ZNF493: variants seen among roughly 807,000 people sequenced by gnomAD.
ZNF493 encodes zinc finger protein 493.
ZNF493 carries 11 observed loss-of-function variants against 12.2 expected under a neutral mutation model. The ratio of observed to expected loss-of-function variants is 0.90; its 90% confidence interval spans 0.57 to 1.50. The LOEUF (loss-of-function observed/expected upper bound fraction) is 1.50. ZNF493 is among the 40% of genes most tolerant of loss of function. ZNF493 has a pLI of 0.00. For missense variants in ZNF493, 950 were observed against 906.6 expected, an observed-to-expected ratio of 1.05 and a Z score of -0.61; for synonymous variants, 286 against 302.6, an observed-to-expected ratio of 0.95 and a Z score of 0.57.
intron 3 of ZNF493, among the ~76,000 whole-genome samples, chr19:21,414,882 CTG>C (rs1346283633): frequency 6.6e-6 from 1 of 152,176 alleles, no homozygotes; most frequent in African/African-American, 2.4e-5. Flanking sequence ...ATTTCAAAAA[CTG>C]AAACAGTTTT....
chr19:21,408,661 G>A (rs1267380208), intron 3 of ZNF493: 1 of 985,044 alleles, frequency 1.0e-6, no homozygotes, highest in Non-Finnish European at 1.2e-6. Context: ...TATTAGTGGT[G>A]TTTTCAGTGT....
chr19:21,399,846 G>A (rs758203626), intron 1 of ZNF493, among the ~76,000 whole-genome samples: 73 of 152,252 alleles, frequency 4.8e-4, no homozygotes, highest in Non-Finnish European at 3.1e-4. Flanking sequence ...ATGAGAAAAT[G>A]CGGTAGGTAA....
chr19:21,397,144 C>T lies in ZNF493; in HGVS notation c.-94C>T. 4 of 1,453,968 alleles carry T rather than the reference C, an allele frequency of 2.8e-6. No individual in the cohort carries two copies. In the South Asian group the frequency reaches 3.4e-5, roughly 12 times the overall value. 90.1% of individuals were successfully genotyped at this position (1,453,968 alleles called of 1,614,324 possible). A position where few individuals can be genotyped will look rare whatever the true frequency, so the allele number is the denominator to read the frequency against. ...GATGTGGCTGGGCCATTGTTTCTCT[C>T]TGCTGCCGGAGCTCCAGGTCTACCC... On this transcript the variant is annotated 5_prime_UTR_variant, in exon 1 of 4. Coordinates refer to ENST00000392288, the MANE Select transcript of ZNF493 (RefSeq NM_001076678.3).
chr19:21,414,632 G>A (rs542415927), intron 3 of ZNF493: 1 of 152,286 alleles, frequency 6.6e-6, no homozygotes, highest in South Asian at 2.1e-4. Context: ...TCAATAAACT[G>A]TGTGGAATGA....
chr19:21,397,241 C>A lies in ZNF493; in HGVS notation c.4C>A (p.Pro2Thr), dbSNP rs138674538. The A allele has an allele frequency of 5.8e-4, 932 of 1,614,078 alleles. 2 individuals carry two copies. Among genetic ancestry groups the A allele is most frequent in the Non-Finnish European group, 7.4e-4 (879 of 1,180,030 alleles). ...TACTGGGAAATCCATAGCTAAGATGCCAGGACCCCCTGAAAGCCTAGACAT... is the reference window on the plus strand; with the variant it reads ...TACTGGGAAATCCATAGCTAAGATGACAGGACCCCCTGAAAGCCTAGACAT... Reference protein sequence around the residue: MPGPPESLDMGP... With the variant: MTGPPESLDMGP... Residue 2 changes from proline (P) to threonine (T), a missense_variant, in exon 1 of 4, where the codon CCA (proline) becomes ACA (threonine). By Grantham distance (38) the Pro-to-Thr change is conservative. Transcript: ENST00000392288.
intron 3 of ZNF493, among the ~76,000 whole-genome samples, chr19:21,417,216 C>G (rs1388202882): frequency 1.3e-5 from 2 of 152,080 alleles, no homozygotes; most frequent in African/African-American, 2.4e-5. Flanking sequence ...TATCTGGTGG[C>G]CTGACTTGCT....
chr19:21,423,111 G>A lies in ZNF493; in HGVS notation c.452G>A (p.Ser151Asn). 6.2e-7 allele frequency: 1 copy of A among 1,613,598 alleles called. No individual in the cohort carries two copies. ...AACCAGTATTTGACAACTACCCAGA[G>A]CAAAATATTTCAATGTGATAAATAT... ...ELNQYLTTTQ[S>N]KIFQCDKYVK... is the part of the protein sequence containing the mutation. The change falls in exon 4 of 4, where the codon AGC becomes AAC. Residue 151 changes from serine (S) to asparagine (N), a missense_variant. Transcript: ENST00000392288.
intron 3 of ZNF493, among the ~76,000 whole-genome samples, chr19:21,417,929 A>T (rs1028878748): frequency 6.6e-6 from 1 of 152,236 alleles, no homozygotes; most frequent in Non-Finnish European, 1.5e-5. Flanking sequence ...CATACTGATT[A>T]ATAGCTTGTT....
At chr19:21,417,898 T>C in intron 3 of ZNF493, among the ~76,000 whole-genome samples, 1 of 152,196 alleles carries the variant, frequency 6.6e-6, no homozygotes. Context: ...AAGAGTCTTA[T>C]TACAAAAGGA....
At position 21,423,341 on chromosome 19, in the gene ZNF493, C is replaced by T; in HGVS notation, c.682C>T (p.His228Tyr). 1 of 1,613,630 alleles carries T rather than the reference C, an allele frequency of 6.2e-7. No individual in the cohort carries two copies. The change falls in exon 4 of 4, where the codon CAC (histidine) becomes TAC (tyrosine). Residue 228 changes from histidine to tyrosine, a missense_variant. His to Tyr is a moderately conservative substitution (Grantham distance 83, BLOSUM62 2). Coordinates refer to ENST00000392288, the MANE Select transcript of ZNF493 (RefSeq NM_001076678.3). ...TATCTGGTTTTCAACCCTTACTAGA[C>T]ACAGGAGAGTTCATACTGGAGAGAA... Reference protein sequence around the residue: ...AFIWFSTLTRHRRVHTGEKSY... With the variant: ...AFIWFSTLTRYRRVHTGEKSY...
intron 3 of ZNF493, among the ~76,000 whole-genome samples, chr19:21,418,649 T>G (rs2030564655): frequency 6.6e-6 from 1 of 152,186 alleles, no homozygotes. Context: ...CCTTCAGAGC[T>G]GAGATCCCTG....
intron 3 of ZNF493, among the ~76,000 whole-genome samples, chr19:21,419,269 A>G (rs2030584188): frequency 6.6e-6 from 1 of 152,036 alleles, no homozygotes; most frequent in Admixed American, 6.6e-5. Flanking sequence ...GGTGTTGGAT[A>G]ATTGATTGGT....
chr19:21,420,611 A>ATTTTTTTTTTTTTTTTTTTTTTTT, intron 3 of ZNF493, among the ~76,000 whole-genome samples: 1 of 11,110 alleles, frequency 9.0e-5, no homozygotes, highest in Non-Finnish European at 1.7e-4. Context: ...ATATATATAT[A>ATTTTTTTTTTTTTTTTTTTTTTTT]TATATATATA....
At position 21,425,250 on chromosome 19, in the gene ZNF493, C is replaced by T; in HGVS notation, c.*266C>T. The T allele has an allele frequency of 2.0e-6, 1 of 511,748 alleles. No homozygotes were observed. The highest frequency in any genetic ancestry group is 3.7e-5 in the East Asian group (1 of 26,690). 31.7% of individuals were successfully genotyped at this position (511,748 alleles called of 1,614,324 possible). A position where few individuals can be genotyped will look rare whatever the true frequency, so the allele number is the denominator to read the frequency against. The stretch of plus-strand genomic sequence containing the variant: ...ATCCCTTACTAAACATAAGAGAATT[C>T]ATACCATAGAGAAATCCTACAAATA... On this transcript the variant is annotated 3_prime_UTR_variant, in exon 4 of 4. Transcript: ENST00000392288.
Position 21,427,540 on chromosome 19 carries a change from A to G in ZNF493, c.*2556A>G, listed in dbSNP as rs550259114. 1 of 152,250 alleles carries G rather than the reference A, an allele frequency of 6.6e-6. No homozygotes were observed. The highest frequency in any genetic ancestry group is 1.9e-4 in the East Asian group (1 of 5,180). The allele number at this position is 152,250 out of a possible 1,614,324, so 9.4% of individuals were successfully genotyped here. On this transcript the variant is annotated 3_prime_UTR_variant, in exon 4 of 4. Coordinates refer to ENST00000392288, the MANE Select transcript of ZNF493 (RefSeq NM_001076678.3). ...TTTCAACATTTTTAACATGGTAAATATTATTGTGCATTCAATAAAGTGTTG... is the reference window on the plus strand; with the variant it reads ...TTTCAACATTTTTAACATGGTAAATGTTATTGTGCATTCAATAAAGTGTTG...
chr19:21,418,755 C>T (rs183400788), intron 3 of ZNF493, among the ~76,000 whole-genome samples: 15 of 152,224 alleles, frequency 9.9e-5, no homozygotes, highest in Admixed American at 2.0e-4. Context: ...TTATGGGAAA[C>T]GAAGGGATGA....
chr19:21,397,654 C>T lies in ZNF493; in HGVS notation c.30+387C>T, dbSNP rs1974194833. The T allele has an allele frequency of 1.8e-5, 8 of 452,700 alleles. No individual in the cohort carries two copies. In the South Asian group the frequency reaches 4.1e-4, roughly 23 times the overall value. The allele number at this position is 452,700 out of a possible 1,614,324, so 28.0% of individuals were successfully genotyped here. On this transcript the variant is annotated intron_variant, in intron 1 of 3. Coordinates refer to ENST00000392288, the MANE Select transcript of ZNF493 (RefSeq NM_001076678.3). ...GTGGGGTTCCCAGTTGCTATTTTCT[C>T]CTATTAAAAATTTATGGGCGTCACT...
intron 3 of ZNF493, chr19:21,408,148 CAGG>C (rs1346460599): frequency 1.1e-6 from 1 of 895,130 alleles, no homozygotes; most frequent in East Asian, 1.6e-4. Context: ...TTTTTTGAGA[CAGG>C]AGTCTCGCTC....
intron 1 of ZNF493, among the ~76,000 whole-genome samples, chr19:21,399,188 TCTCA>T (rs1198974169): frequency 6.6e-6 from 1 of 152,150 alleles, no homozygotes; most frequent in Non-Finnish European, 1.5e-5. Context: ...TATTTTTTTG[TCTCA>T]CTCTGTCGCC....
Sources: gnomAD v4.1 joint callset for allele counts (sites outside exome capture counted in the v4.1 genomes callset) on GRCh38, gnomAD v4.1.1 for gene constraint, MANE v1.5 for transcripts, NCBI Gene and HGNC (gene_info 2026-07-23, HGNC 2026-07-21) for gene names.